Variants in CFAP77 observed in about 807,000 individuals in gnomAD.
The protein encoded by CFAP77 is cilia- and flagella-associated protein 77.
In CFAP77, 25 loss-of-function variants were observed where a neutral mutation model predicts 31.1. The observed-to-expected ratio is 0.80, with a 90% CI of 0.59 to 1.12. The LOEUF is 1.12. Ranked by LOEUF, CFAP77 falls within the 50% of genes most tolerant of loss-of-function variation. CFAP77 has a pLI of 0.00. For missense variants in CFAP77, 377 were observed against 397.3 expected, an observed-to-expected ratio of 0.95 and a Z score of 0.44; for synonymous variants, 151 against 159.9, an observed-to-expected ratio of 0.94 and a Z score of 0.42.
At chr9:132,494,831 C>T (rs1589885656) in intron 1 of CFAP77, among the ~76,000 whole-genome samples, 3 of 152,166 alleles carry the variant, frequency 2.0e-5, no homozygotes, top group Admixed American at 2.0e-4. Flanking sequence ...TAAATAAGTT[C>T]CTATTCAAGT....
intron 1 of CFAP77, among the ~76,000 whole-genome samples, chr9:132,491,210 G>A (rs935141287): frequency 6.6e-6 from 1 of 152,210 alleles, no homozygotes; most frequent in African/African-American, 2.4e-5. Flanking sequence ...GCCCACTCCT[G>A]TAATCCCAGC....
chr9:132,491,335 T>G (rs1024210430), intron 1 of CFAP77, among the ~76,000 whole-genome samples: 1 of 152,036 alleles, frequency 6.6e-6, no homozygotes, highest in Non-Finnish European at 1.5e-5. Flanking sequence ...GGTGTGGTGG[T>G]GCACGCCTGT....
chr9:132,486,610 C>T (rs545639608), intron 1 of CFAP77, among the ~76,000 whole-genome samples: 2 of 152,352 alleles, frequency 1.3e-5, no homozygotes, highest in Admixed American at 1.3e-4. Context: ...CTCTCACGTT[C>T]GCCTTTTGTC....
At chr9:132,531,764 G>A (rs1266962477) in intron 3 of CFAP77, among the ~76,000 whole-genome samples, 1 of 152,130 alleles carries the variant, frequency 6.6e-6, no homozygotes, top group East Asian at 1.9e-4. Flanking sequence ...ACAGCCTGCC[G>A]GTCTCCTTCA....
chr9:132,484,733 TAAA>T (rs1851508951), intron 1 of CFAP77, among the ~76,000 whole-genome samples: 1 of 151,848 alleles, frequency 6.6e-6, no homozygotes, highest in Admixed American at 6.5e-5. Flanking sequence ...TTTTTTTTTT[TAAA>T]TTTTTGTGGG....
chr9:132,531,590 G>A (rs1310962870), intron 3 of CFAP77, among the ~76,000 whole-genome samples: 1 of 148,828 alleles, frequency 6.7e-6, no homozygotes, highest in East Asian at 2.0e-4. Context: ...AGGGACCTGC[G>A]GCCCGGGCAA....
In CFAP77 at chr9:132,481,891, A is replaced by G. The variant is rs1166982010; in HGVS notation, c.196-16804A>G. 6.6e-6 allele frequency among the ~76,000 whole-genome samples: 1 copy of G among 151,820 alleles called. No individual in the cohort carries two copies. Among genetic ancestry groups the G allele is most frequent in the South Asian group, 2.1e-4 (1 of 4,792 alleles). ...CAATCAATAAGATATTATGAAATAT[A>G]CATCAAAACAAAAGTCACTGGAGCG... On this transcript the variant is annotated intron_variant, in intron 1 of 5. Coordinates refer to ENST00000393216, the MANE Select transcript of CFAP77 (RefSeq NM_001282957.2). This position sits in a 1 kb window ranked among gnomAD's most constrained non-coding sequence, Gnocchi z 5.0.
chr9:132,501,644 C>T lies in CFAP77; in HGVS notation c.524+2044C>T, dbSNP rs1851845698. On this transcript the variant is annotated intron_variant, in intron 3 of 5. Coordinates refer to ENST00000393216, the MANE Select transcript of CFAP77 (RefSeq NM_001282957.2). This position sits in a 1 kb window ranked among gnomAD's most constrained non-coding sequence, Gnocchi z 4.6. ...TCTTGAACTCCTGGCCTCAGGTGAT[C>T]CACCCGCCTTGGCCTCCCAAAGTGC... Among the ~76,000 whole-genome samples, 1 of 152,216 alleles carries T rather than the reference C, an allele frequency of 6.6e-6. No homozygotes were observed. The highest frequency in any genetic ancestry group is 6.5e-5 in the Admixed American group (1 of 15,280).
intron 1 of CFAP77, among the ~76,000 whole-genome samples, chr9:132,431,968 A>G (rs1426731991): frequency 6.6e-6 from 1 of 152,176 alleles, no homozygotes; most frequent in Non-Finnish European, 1.5e-5. Flanking sequence ...ACTCCTGGCT[A>G]TTCAAACGAG....
chr9:132,525,393 T>C (rs1852340776), intron 3 of CFAP77, among the ~76,000 whole-genome samples: 1 of 152,098 alleles, frequency 6.6e-6, no homozygotes, highest in Non-Finnish European at 1.5e-5. Flanking sequence ...CTAGCATGCT[T>C]GATTGCATTT....
At chr9:132,512,136 G>A (rs886157956) in intron 3 of CFAP77, among the ~76,000 whole-genome samples, 2 of 151,954 alleles carry the variant, frequency 1.3e-5, no homozygotes, top group Admixed American at 6.5e-5. Flanking sequence ...GCAGGGCCAC[G>A]CTCCCTCTGC....
intron 3 of CFAP77, among the ~76,000 whole-genome samples, chr9:132,518,779 C>G (rs147723971): frequency 6.6e-6 from 1 of 152,330 alleles, no homozygotes; most frequent in East Asian, 1.9e-4. Flanking sequence ...TGTCCCTCAT[C>G]CAACCCACTT....
At chr9:132,447,578 C>T (rs765270548) in intron 1 of CFAP77, among the ~76,000 whole-genome samples, 1 of 152,212 alleles carries the variant, frequency 6.6e-6, no homozygotes, top group Non-Finnish European at 1.5e-5. Context: ...AAGCAGCATG[C>T]GGAGTGGCTG....
At chr9:132,571,329 C>A (rs554418814) in intron 5 of CFAP77, among the ~76,000 whole-genome samples, 12 of 152,286 alleles carry the variant, frequency 7.9e-5, no homozygotes, top group South Asian at 2.1e-4. Context: ...CACGCTACCC[C>A]CCTTTGCCCT....
chr9:132,561,642 CACACACACACACACACACA>C, intron 5 of CFAP77, among the ~76,000 whole-genome samples: 1 of 109,788 alleles, frequency 9.1e-6, no homozygotes, highest in Non-Finnish European at 1.7e-5. Flanking sequence ...CACACACACA[CACACACACACACACACACA>C]CCCCCTCCAT....
In CFAP77 at chr9:132,470,956, C is replaced by T. The variant is rs540930346; in HGVS notation, c.196-27739C>T. ...TCGGGCCACTGCACTCCAGCCTGAGCGACAGAGTGAGACTCTGTTTCAAAA... is the reference window on the plus strand; with the variant it reads ...TCGGGCCACTGCACTCCAGCCTGAGTGACAGAGTGAGACTCTGTTTCAAAA... On this transcript the variant is annotated intron_variant, in intron 1 of 5. Coordinates refer to ENST00000393216, the MANE Select transcript of CFAP77 (RefSeq NM_001282957.2). Among the ~76,000 whole-genome samples, 16 of 152,266 alleles carry T rather than the reference C, an allele frequency of 1.1e-4. No individual in the cohort carries two copies. In the East Asian group the frequency reaches 1.2e-3, roughly 11 times the overall value.
At chr9:132,458,942 G>C (rs1850978042) in intron 1 of CFAP77, among the ~76,000 whole-genome samples, 1 of 152,202 alleles carries the variant, frequency 6.6e-6, no homozygotes, top group Non-Finnish European at 1.5e-5. Context: ...TCAGGGGTGA[G>C]GATAGTCGCA....
intron 5 of CFAP77, among the ~76,000 whole-genome samples, chr9:132,561,661 ACC>A (rs869156683): frequency 0.1 from 4,669 of 46,384 alleles, 234 homozygotes; most frequent in African/African-American, 0.13. Context: ...ACACACACAC[ACC>A]CCCTCCATGT....
At chr9:132,484,126 C>T (rs1851498168) in intron 1 of CFAP77, among the ~76,000 whole-genome samples, 1 of 151,918 alleles carries the variant, frequency 6.6e-6, no homozygotes, top group South Asian at 2.1e-4. Flanking sequence ...TTAATAGAGA[C>T]AGGGATTCTC....
Sources: allele counts gnomAD v4.1 joint callset (sites outside exome capture counted in the v4.1 genomes callset), GRCh38; gene constraint gnomAD v4.1.1; non-coding constraint Gnocchi (gnomAD v3.1); transcripts MANE v1.5; gene names NCBI Gene and HGNC (gene_info 2026-07-23, HGNC 2026-07-21).